MBNL2: variants seen among roughly 807,000 people sequenced by gnomAD.
MBNL2 encodes muscleblind like splicing regulator 2, also known as muscleblind-like protein 2.
MBNL2 carries 17 observed loss-of-function variants against 41.9 expected under a neutral mutation model. That is an observed-to-expected ratio of 0.41 (90% CI 0.28 to 0.61). MBNL2 has a LOEUF of 0.61. Ranked by LOEUF, MBNL2 falls within the 20% of genes least tolerant of loss-of-function variation. The pLI is 0.35. For missense variants in MBNL2, 336 were observed against 505.6 expected (o/e 0.66, Z 3.22); for synonymous variants, 195 against 182.9 (o/e 1.07, Z -0.53).
At chr13:97,179,773 C>T in the MBNL2 span, among the ~76,000 whole-genome samples, 1 of 151,986 alleles carries the variant, frequency 6.6e-6, no homozygotes, top group African/African-American at 2.4e-5. Flanking sequence ...GTGTGATGGC[C>T]CCAAGGAGAA....
At chr13:97,323,891 C>CT (rs2059702760) in intron 2 of MBNL2, among the ~76,000 whole-genome samples, 1 of 152,130 alleles carries the variant, frequency 6.6e-6, no homozygotes, top group South Asian at 2.1e-4. Flanking sequence ...TGGGGTACCC[C>CT]TTCTCTCAAG....
intron 1 of MBNL2, among the ~76,000 whole-genome samples, chr13:97,261,185 T>C (rs1324104985): frequency 1.3e-5 from 2 of 152,056 alleles, no homozygotes; most frequent in African/African-American, 2.4e-5. Context: ...ACAGCACATG[T>C]GATTATGATG....
intron 1 of MBNL2, among the ~76,000 whole-genome samples, chr13:97,270,020 A>T (rs549183651): frequency 1.3e-5 from 2 of 152,372 alleles, no homozygotes; most frequent in South Asian, 4.1e-4. Flanking sequence ...ACAGGCAGGA[A>T]CTATTATCGA....
the MBNL2 span, among the ~76,000 whole-genome samples, chr13:97,187,593 TAAAAA>T: frequency 1.3e-3 from 66 of 51,486 alleles, no homozygotes; most frequent in African/African-American, 3.3e-3. Context: ...CTATGCAGCT[TAAAAA>T]AAAAAAAAAA....
At chr13:97,259,643 A>G (rs908750350) in intron 1 of MBNL2, among the ~76,000 whole-genome samples, 1 of 152,210 alleles carries the variant, frequency 6.6e-6, no homozygotes, top group Non-Finnish European at 1.5e-5. Flanking sequence ...AAGAGTTCCT[A>G]AAAATACACT....
chr13:97,382,820 G>A (rs964045360), intron 8 of MBNL2, among the ~76,000 whole-genome samples: 1 of 151,806 alleles, frequency 6.6e-6, no homozygotes. Context: ...GGCCATGCCT[G>A]GCTAATTTTT....
intron 2 of MBNL2, among the ~76,000 whole-genome samples, chr13:97,289,530 G>A (rs1198988030): frequency 2.6e-5 from 4 of 152,266 alleles, no homozygotes; most frequent in African/African-American, 7.2e-5. Flanking sequence ...AATTCTTAAT[G>A]AAGAATTCTA....
At chr13:97,364,162 G>A (rs9556711) in intron 7 of MBNL2, among the ~76,000 whole-genome samples, 30,075 of 152,048 alleles carry the variant, frequency 0.2, 5,949 homozygotes, top group African/African-American at 0.51. Context: ...GTCATGATGC[G>A]TGTATGTTAT....
At chr13:97,211,335 G>T in the MBNL2 span, among the ~76,000 whole-genome samples, 1 of 152,166 alleles carries the variant, frequency 6.6e-6, no homozygotes, top group Non-Finnish European at 1.5e-5. Context: ...CCATGGGTTG[G>T]GGGTATAGAG....
chr13:97,270,051 G>A (rs369331985), intron 1 of MBNL2, among the ~76,000 whole-genome samples: 2 of 152,278 alleles, frequency 1.3e-5, no homozygotes, highest in East Asian at 3.9e-4. Context: ...AAGAAGGTGG[G>A]TCTCAAAGAA....
At chr13:97,317,459 C>G (rs1300655802) in intron 2 of MBNL2, among the ~76,000 whole-genome samples, 1 of 152,216 alleles carries the variant, frequency 6.6e-6, no homozygotes, top group Non-Finnish European at 1.5e-5. Flanking sequence ...CCCTACTGTT[C>G]CTAGGGAAAA....
intron 1 of MBNL2, among the ~76,000 whole-genome samples, chr13:97,267,803 G>A (rs944408020): frequency 1.3e-5 from 2 of 152,148 alleles, no homozygotes; most frequent in African/African-American, 2.4e-5. Flanking sequence ...GGGGCAGCCC[G>A]GCCAGCACTC....
upstream of MBNL2, among the ~76,000 whole-genome samples, chr13:97,216,616 A>G (rs1355218789): frequency 1.3e-5 from 2 of 152,142 alleles, no homozygotes; most frequent in Non-Finnish European, 2.9e-5. Context: ...AAACACTACC[A>G]TCTGTCCTAA....
At position 97,329,109 on chromosome 13, in the gene MBNL2, A is replaced by G. The variant is rs1465578856; in HGVS notation, c.175-5167A>G. Among the ~76,000 whole-genome samples, 5 of 152,314 alleles carry G rather than the reference A, an allele frequency of 3.3e-5. No homozygotes were observed. In the East Asian group the frequency reaches 5.8e-4, roughly 18 times the overall value. On this transcript the variant is annotated intron_variant, in intron 2 of 8. Transcript: ENST00000679496. ...TCTTCCTTCCTCCTGTCGAGAATCA[A>G]CATGAGTATTCTGTATTAGAATCTT...
At chr13:97,160,666 A>C in the MBNL2 span, among the ~76,000 whole-genome samples, 3 of 152,174 alleles carry the variant, frequency 2.0e-5, no homozygotes, top group African/African-American at 7.2e-5. Context: ...GAGCTGAGCT[A>C]ATCCATATTT....
chr13:97,364,244 C>T (rs2063666806), intron 7 of MBNL2, among the ~76,000 whole-genome samples: 2 of 152,172 alleles, frequency 1.3e-5, no homozygotes, highest in African/African-American at 4.8e-5. Flanking sequence ...CCTACCTCCC[C>T]ACTCAGATGC....
chr13:97,166,789 TA>T, the MBNL2 span, among the ~76,000 whole-genome samples: 2 of 71,082 alleles, frequency 2.8e-5, no homozygotes, highest in Admixed American at 1.3e-4. Flanking sequence ...CCTTGATAGA[TA>T]GATAGATAGA....
At chr13:97,173,156 C>T in the MBNL2 span, among the ~76,000 whole-genome samples, 1 of 152,118 alleles carries the variant, frequency 6.6e-6, no homozygotes, top group African/African-American at 2.4e-5. Context: ...GGGCTTTGGT[C>T]CAGGCTAGTC....
rs1350345804 is a variant in MBNL2 at position 97,346,766 on chromosome 13, G to A, written c.541-38G>A. On this transcript the variant is annotated intron_variant, in intron 4 of 8. Transcript: ENST00000679496. This position sits in a 1 kb window ranked among gnomAD's most constrained non-coding sequence, Gnocchi z 4.2. ...GGGCCGCAGGGGCGCCTGGGCTCAG[G>A]CTTGCCTCTGCAGCGCGGCTCTTCT... The A allele has an allele frequency of 1.3e-5, 20 of 1,599,230 alleles. No homozygotes were observed. The highest frequency in any genetic ancestry group is 1.7e-5 in the Non-Finnish European group (20 of 1,170,806).
Sources: gnomAD v4.1 joint callset for allele counts (sites outside exome capture counted in the v4.1 genomes callset) on GRCh38, gnomAD v4.1.1 for gene constraint, Gnocchi (gnomAD v3.1) non-coding constraint, MANE v1.5 for transcripts, NCBI Gene and HGNC (gene_info 2026-07-23, HGNC 2026-07-21) for gene names.